The following GRM8 variants were observed in gnomAD, a reference collection of about 807,000 sequenced individuals.
GRM8 encodes metabotropic glutamate receptor 8.
GRM8 carries 47 observed loss-of-function variants against 87.2 expected under a neutral mutation model. That is an observed-to-expected ratio of 0.54 (90% CI 0.43 to 0.69). The LOEUF (loss-of-function observed/expected upper bound fraction) is 0.69, where lower values mean the gene tolerates loss of function less well. Ranked by LOEUF, GRM8 falls within the 30% of genes least tolerant of loss-of-function variation. The pLI is 0.00. For synonymous variants in GRM8, 396 were observed against 404.5 expected, an observed-to-expected ratio of 0.98 and a Z score of 0.25; for missense variants, 1,019 against 1,139.2, an observed-to-expected ratio of 0.89 and a Z score of 1.52.
intron 6 of GRM8, among the ~76,000 whole-genome samples, chr7:126,843,403 A>T (rs889946529): frequency 3.3e-5 from 5 of 152,240 alleles, no homozygotes; most frequent in African/African-American, 1.2e-4. Context: ...ATTTGGAATA[A>T]AAAAAGAAAT....
chr7:126,659,293 C>A (rs1804892042), intron 7 of GRM8, among the ~76,000 whole-genome samples: 2 of 152,148 alleles, frequency 1.3e-5, no homozygotes, highest in African/African-American at 2.4e-5. Context: ...CAGGGGGAAC[C>A]TACCTGTGGT....
chr7:127,100,347 C>T (rs1465595886), intron 3 of GRM8, among the ~76,000 whole-genome samples: 1 of 152,044 alleles, frequency 6.6e-6, no homozygotes, highest in East Asian at 1.9e-4. Flanking sequence ...TGAGGATCTC[C>T]TTTTATCATC....
intron 6 of GRM8, among the ~76,000 whole-genome samples, chr7:126,847,677 G>A (rs2130677659): frequency 6.6e-6 from 1 of 152,252 alleles, no homozygotes; most frequent in South Asian, 2.1e-4. Context: ...CCCAAGACAT[G>A]AGCCCAAGAG....
At chr7:126,677,301 A>G (rs1489730582) in intron 7 of GRM8, among the ~76,000 whole-genome samples, 1 of 152,012 alleles carries the variant, frequency 6.6e-6, no homozygotes, top group Non-Finnish European at 1.5e-5. Context: ...AAATTTCTCA[A>G]AGAACTAGAA....
In GRM8 at chr7:127,185,757, T is replaced by C. The variant is rs574799876; in HGVS notation, c.510+56938A>G. 8.5e-5 allele frequency among the ~76,000 whole-genome samples: 13 copies of C among 152,288 alleles called. No individual in the cohort carries two copies. In the South Asian group the frequency reaches 2.7e-3, roughly 32 times the overall value. On this transcript the variant is annotated intron_variant, in intron 2 of 10. Transcript: ENST00000339582. ...TAAGAAGGAAGAGATCCAGGATCCC[T>C]GGCAATGTAGTATCCAAGAAATAGG...
chr7:126,530,683 T>C (rs1300502896), intron 9 of GRM8, among the ~76,000 whole-genome samples: 2 of 152,250 alleles, frequency 1.3e-5, no homozygotes, highest in East Asian at 3.8e-4. Context: ...ACTGACCAGC[T>C]CTTTGGTCCT....
At chr7:126,495,825 G>T (rs2150665981) in intron 9 of GRM8, among the ~76,000 whole-genome samples, 1 of 152,106 alleles carries the variant, frequency 6.6e-6, no homozygotes, top group East Asian at 1.9e-4. Flanking sequence ...GCATAAATGT[G>T]TGTGTGTTTG....
intron 3 of GRM8, among the ~76,000 whole-genome samples, chr7:126,969,232 TA>T (rs1323167221): frequency 1.3e-5 from 2 of 152,124 alleles, no homozygotes; most frequent in East Asian, 3.9e-4. Flanking sequence ...GGCAATTTTG[TA>T]AAATAAAACA....
intron 9 of GRM8, among the ~76,000 whole-genome samples, chr7:126,520,008 G>A (rs2150785253): frequency 6.6e-6 from 1 of 151,984 alleles, no homozygotes; most frequent in South Asian, 2.1e-4. Flanking sequence ...TGTTGACATA[G>A]AAAGGAGGAA....
At position 127,093,565 on chromosome 7, in the gene GRM8, G is replaced by A. The variant is rs144216808; in HGVS notation, c.727+12931C>T. Among the ~76,000 whole-genome samples the A allele has an allele frequency of 1.8e-4, 27 of 152,286 alleles. 1 individual carries two copies. In the South Asian group the frequency reaches 2.3e-3, roughly 13 times the overall value. On this transcript the variant is annotated intron_variant, in intron 3 of 10. Coordinates refer to ENST00000339582, the MANE Select transcript of GRM8 (RefSeq NM_000845.3). The stretch of plus-strand genomic sequence containing the variant: ...ATGATGTAAATGTAACTCTAGAGTC[G>A]TATGACCATAAGTACCAATGCCTTG...
At chr7:126,544,218 G>A (rs1038309962) in intron 8 of GRM8, among the ~76,000 whole-genome samples, 4 of 152,150 alleles carry the variant, frequency 2.6e-5, no homozygotes, top group African/African-American at 7.2e-5. Context: ...GACTTAGTAG[G>A]AGTTCCATGT....
chr7:127,178,989 T>C (rs540620695), intron 2 of GRM8, among the ~76,000 whole-genome samples: 1 of 152,096 alleles, frequency 6.6e-6, no homozygotes, highest in Non-Finnish European at 1.5e-5. Context: ...AAGAGCAAGA[T>C]GAATGCAACA....
chr7:126,972,473 T>A (rs1810524472), intron 3 of GRM8, among the ~76,000 whole-genome samples: 3 of 152,208 alleles, frequency 2.0e-5, no homozygotes, highest in African/African-American at 7.2e-5. Flanking sequence ...CCTTTGGGGA[T>A]GCTTAATTCC....
intron 2 of GRM8, among the ~76,000 whole-genome samples, chr7:127,133,435 T>C (rs1827791831): frequency 6.7e-6 from 1 of 148,684 alleles, no homozygotes; most frequent in Non-Finnish European, 1.5e-5. Flanking sequence ...ACCACAACCC[T>C]GTCTCTAAAA....
intron 7 of GRM8, among the ~76,000 whole-genome samples, chr7:126,616,427 A>T (rs1052276304): frequency 6.6e-6 from 1 of 152,336 alleles, no homozygotes; most frequent in East Asian, 1.9e-4. Flanking sequence ...AAAGCAGGAC[A>T]GATCTAAAAT....
rs1211496476 is a variant in GRM8, at chr7:126,533,856, T to A, written c.1526A>T (p.His509Leu). 1 of 1,613,774 alleles carries A rather than the reference T, an allele frequency of 6.2e-7. No homozygotes were observed. Among genetic ancestry groups the A allele is most frequent in the Non-Finnish European group, 8.5e-7 (1 of 1,179,838 alleles). Reference sequence around the variant, plus strand: ...GCTGCAGACAGACGCCGGGTGAGTATGTTCTCTATGAGCCCACTGCATGTC... The same window carrying A: ...GCTGCAGACAGACGCCGGGTGAGTAAGTTCTCTATGAGCCCACTGCATGTC... ...VEDMQWAHRE[H>L]THPASVCSLP... The change falls in exon 9 of 11, where the codon CAT (histidine) becomes CTT (leucine). Residue 509 changes from histidine (H) to leucine (L), a missense_variant. His to Leu is a moderately conservative substitution (Grantham distance 99). Coordinates refer to ENST00000339582, the MANE Select transcript of GRM8 (RefSeq NM_000845.3).
At chr7:127,109,117 G>A (rs1338851039) in intron 2 of GRM8, among the ~76,000 whole-genome samples, 3 of 151,992 alleles carry the variant, frequency 2.0e-5, no homozygotes, top group African/African-American at 7.3e-5. Context: ...TTAAAGACCT[G>A]GAATGTTCCT....
intron 2 of GRM8, among the ~76,000 whole-genome samples, chr7:127,161,641 G>A (rs1793123261): frequency 1.1e-5 from 1 of 93,688 alleles, no homozygotes; most frequent in Non-Finnish European, 2.4e-5. Context: ...GATGATATCT[G>A]AAAGAAAATA....
rs143712946 is a variant in GRM8, at chr7:127,068,109, C to A, written c.727+38387G>T. ...TTGAGTTTTCCCCCATTCCTTCCAT[C>A]CCTCGTATTAGTCAAGGATAATTTC... On this transcript the variant is annotated intron_variant, in intron 3 of 10. Coordinates refer to ENST00000339582, the MANE Select transcript of GRM8 (RefSeq NM_000845.3). Among the ~76,000 whole-genome samples, 294 of 152,194 alleles carry A rather than the reference C, an allele frequency of 1.9e-3. 9 individuals are homozygous for A. The East Asian group carries it at 0.046, about 24-fold the overall frequency.
Sources: gnomAD v4.1 joint callset for allele counts (sites outside exome capture counted in the v4.1 genomes callset) on GRCh38, gnomAD v4.1.1 for gene constraint, MANE v1.5 for transcripts, NCBI Gene and HGNC (gene_info 2026-07-23, HGNC 2026-07-21) for gene names.